ADGRL2: variants seen among roughly 807,000 people sequenced by gnomAD.
The protein encoded by ADGRL2 is calcium-independent alpha-latrotoxin receptor 2.
A neutral mutation model predicts 157.4 loss-of-function variants in ADGRL2; 44 were observed. The observed-to-expected ratio is 0.28, with a 90% CI of 0.22 to 0.36. The LOEUF is 0.36. ADGRL2 is among the 10% of genes least tolerant of loss of function. ADGRL2 has a pLI of 1.00. For synonymous variants in ADGRL2, 585 were observed against 624.7 expected, an observed-to-expected ratio of 0.94 and a Z score of 0.95; for missense variants, 1,510 against 1,768.9, an observed-to-expected ratio of 0.85 and a Z score of 2.63.
At chr1:81,375,366 G>A (rs2076231808) in intron 1 of ADGRL2, among the ~76,000 whole-genome samples, 1 of 152,044 alleles carries the variant, frequency 6.6e-6, no homozygotes, top group Admixed American at 6.6e-5. Flanking sequence ...AATTATGAAG[G>A]GCCGTGAAGT....
intron 2 of ADGRL2, among the ~76,000 whole-genome samples, chr1:81,891,959 AGTGTGTGTGT>A (rs3221626): frequency 3.3e-5 from 5 of 149,368 alleles, no homozygotes; most frequent in Admixed American, 1.3e-4. Context: ...GTGGCTAATA[AGTGTGTGTGT>A]GTGTGTGTGT....
At chr1:81,630,714 C>G (rs1216625986) in intron 3 of ADGRL2, among the ~76,000 whole-genome samples, 1 of 151,874 alleles carries the variant, frequency 6.6e-6, no homozygotes, top group African/African-American at 2.4e-5. Flanking sequence ...TTAAATATAC[C>G]AATATTTTTC....
At chr1:81,832,021 A>C (rs2091976333) in intron 1 of ADGRL2, among the ~76,000 whole-genome samples, 1 of 152,182 alleles carries the variant, frequency 6.6e-6, no homozygotes, top group African/African-American at 2.4e-5. Flanking sequence ...AGGATTAGTG[A>C]TATGTATCTT....
At chr1:81,673,780 G>A (rs2082926609) in intron 3 of ADGRL2, among the ~76,000 whole-genome samples, 1 of 152,124 alleles carries the variant, frequency 6.6e-6, no homozygotes, top group Non-Finnish European at 1.5e-5. Context: ...GCCTCCCAAA[G>A]TTCTGGGATT....
At chr1:81,493,550 C>T (rs921250688) in intron 2 of ADGRL2, among the ~76,000 whole-genome samples, 3 of 152,018 alleles carry the variant, frequency 2.0e-5, no homozygotes, top group African/African-American at 2.4e-5. Flanking sequence ...TGTTTCTTCC[C>T]GTTGTTGGGA....
At chr1:81,656,518 G>A (rs867892908) in intron 3 of ADGRL2, among the ~76,000 whole-genome samples, 1 of 152,052 alleles carries the variant, frequency 6.6e-6, no homozygotes, top group African/African-American at 2.4e-5. Context: ...GATCACAGTC[G>A]CACTTCTAAA....
At chr1:81,802,201 C>T (rs1327465833) in intron 1 of ADGRL2, among the ~76,000 whole-genome samples, 1 of 151,960 alleles carries the variant, frequency 6.6e-6, no homozygotes, top group Non-Finnish European at 1.5e-5. Context: ...GCCAGACGGC[C>T]CTCCCTCGGG....
At chr1:81,879,769 T>C (rs147567246) in intron 2 of ADGRL2, among the ~76,000 whole-genome samples, 2,011 of 152,234 alleles carry the variant, frequency 0.013, 34 homozygotes, top group African/African-American at 0.044. Context: ...CCTAGCACTT[T>C]GGGAGGCCGA....
intron 2 of ADGRL2, among the ~76,000 whole-genome samples, chr1:81,888,624 A>G (rs1412084701): frequency 6.6e-6 from 1 of 151,984 alleles, no homozygotes; most frequent in African/African-American, 2.4e-5. Flanking sequence ...TTGTATTTTT[A>G]GTAGAGACGG....
chr1:81,397,041 G>A (rs918856969), intron 1 of ADGRL2, among the ~76,000 whole-genome samples: 1 of 152,116 alleles, frequency 6.6e-6, no homozygotes, highest in Non-Finnish European at 1.5e-5. Context: ...AAAGGTTTAA[G>A]AACAATTGGT....
At chr1:81,777,621 G>A (rs945191230) in intron 2 of ADGRL2, among the ~76,000 whole-genome samples, 3 of 152,050 alleles carry the variant, frequency 2.0e-5, no homozygotes, top group African/African-American at 4.8e-5. Flanking sequence ...AAATTAGCCC[G>A]GTGTCATGGC....
At chr1:81,901,569 C>CAT (rs67854345) in intron 2 of ADGRL2, among the ~76,000 whole-genome samples, 1,671 of 147,538 alleles carry the variant, frequency 0.011, 27 homozygotes, top group South Asian at 0.059. Flanking sequence ...AGGATTAAAA[C>CAT]ATATATATAT....
At chr1:81,602,789 T>A (rs1328054213) in intron 3 of ADGRL2, among the ~76,000 whole-genome samples, 1 of 149,356 alleles carries the variant, frequency 6.7e-6, no homozygotes, top group Non-Finnish European at 1.5e-5. Flanking sequence ...TCCCAGCTAC[T>A]CGGGGGGCTG....
intron 3 of ADGRL2, among the ~76,000 whole-genome samples, chr1:81,655,873 G>A (rs900016165): frequency 2.0e-5 from 3 of 152,026 alleles, no homozygotes; most frequent in African/African-American, 2.4e-5. Flanking sequence ...GAAACCAGGA[G>A]GACATTATAT....
At position 81,854,972 on chromosome 1, in the gene ADGRL2, A is replaced by G. The variant is rs192068755; in HGVS notation, c.73+17915A>G. On this transcript the variant is annotated intron_variant, in intron 2 of 23. Transcript: ENST00000686636. ...GAGAGATAATCATTGAAAAATTTCA[A>G]AGGTGATTATATATTTTTATTCTGG... Among the ~76,000 whole-genome samples, 66 of 152,284 alleles carry G rather than the reference A, an allele frequency of 4.3e-4. No homozygotes were observed. The East Asian group carries it at 0.012, about 28-fold the overall frequency.
intron 1 of ADGRL2, among the ~76,000 whole-genome samples, chr1:81,409,485 G>T (rs907755994): frequency 6.6e-6 from 1 of 152,168 alleles, no homozygotes; most frequent in African/African-American, 2.4e-5. Flanking sequence ...TAGTCACATG[G>T]CTATGAAACA....
At chr1:81,576,668 G>C (rs535549894) in intron 2 of ADGRL2, among the ~76,000 whole-genome samples, 1 of 152,218 alleles carries the variant, frequency 6.6e-6, no homozygotes, top group African/African-American at 2.4e-5. Flanking sequence ...TGGCACCAGA[G>C]TAAGTGTTCT....
chr1:81,372,111 C>G (rs911966188), intron 1 of ADGRL2, among the ~76,000 whole-genome samples: 2 of 152,114 alleles, frequency 1.3e-5, no homozygotes, highest in Non-Finnish European at 2.9e-5. Flanking sequence ...ATCCATTGTT[C>G]ATGTGAAATA....
chr1:81,413,242 C>T (rs1247449167), intron 1 of ADGRL2, among the ~76,000 whole-genome samples: 2 of 152,224 alleles, frequency 1.3e-5, no homozygotes, highest in South Asian at 2.1e-4. Context: ...GCATAAATTC[C>T]TAAGCCTACC....
Sources: gnomAD v4.1 joint callset for allele counts (sites outside exome capture counted in the v4.1 genomes callset) on GRCh38, gnomAD v4.1.1 for gene constraint, MANE v1.5 for transcripts, NCBI Gene and HGNC (gene_info 2026-07-23, HGNC 2026-07-21) for gene names.